Variants in MRO observed in about 807,000 individuals in gnomAD.
MRO encodes maestro, also known as protein maestro.
MRO carries 28 observed loss-of-function variants against 31.0 expected under a neutral mutation model. That is an observed-to-expected ratio of 0.90 (90% CI 0.67 to 1.24). The LOEUF is 1.24. Ranked by LOEUF, MRO falls within the 50% of genes most tolerant of loss-of-function variation. The probability of loss-of-function intolerance (pLI) is 0.00; values close to 1 mark genes in which losing one functional copy is unlikely to be tolerated. For missense variants in MRO, 332 were observed against 289.2 expected (o/e 1.15, Z -1.07); for synonymous variants, 108 against 108.4 (o/e 1.00, Z 0.02).
intron 3 of MRO, among the ~76,000 whole-genome samples, chr18:50,808,659 G>A (rs981957601): frequency 3.7e-4 from 56 of 151,268 alleles, no homozygotes; most frequent in Admixed American, 8.5e-4. Context: ...GTTTTGCCAC[G>A]TTGCCGGCTG....
Position 50,819,585 on chromosome 18 carries a change from G to A in MRO, c.-9C>T, listed in dbSNP as rs1915206339. ...CCGGCCAACAGTGTCCCTTACCTGC[G>A]GCTCCTGCAGGCGGCTGCCACGTGA... On this transcript the variant is annotated 5_prime_UTR_variant, in exon 2 of 8. Coordinates refer to ENST00000398439, the MANE Select transcript of MRO (RefSeq NM_031939.6). 3.9e-6 allele frequency: 6 copies of A among 1,551,612 alleles called. No individual in the cohort carries two copies. The highest frequency in any genetic ancestry group is 1.7e-4 in the Middle Eastern group (1 of 5,992).
At chr18:50,820,116 A>C (rs3813091), upstream of MRO, 12 of 686,954 alleles carry the variant, frequency 1.7e-5, no homozygotes, top group Non-Finnish European at 2.0e-5. Context: ...GTTCCAGGCG[A>C]CCCCTGCACA....
At chr18:50,799,996 G>T in intron 7 of MRO, 40 bp downstream of exon 7, 1 of 1,445,664 alleles carries the variant, frequency 6.9e-7, no homozygotes, top group Non-Finnish European at 9.7e-7. Flanking sequence ...CAGGAGGGCA[G>T]GGACCGGAAA....
rs186329885 is a variant in MRO at position 50,799,984 on chromosome 18, A to C, written c.693+52T>G. Reference sequence around the variant, plus strand: ...TGCTTGGCCACCTTCCGTGTTAACCACCAGGAGGGCAGGGACCGGAAAAGA... The same window carrying C: ...TGCTTGGCCACCTTCCGTGTTAACCCCCAGGAGGGCAGGGACCGGAAAAGA... On this transcript the variant is annotated intron_variant, in intron 7 of 7. Transcript: ENST00000398439. 8,764 of 1,322,962 alleles carry C rather than the reference A, an allele frequency of 6.6e-3. 43 individuals carry two copies. Among genetic ancestry groups the C allele is most frequent in the Middle Eastern group, 8.2e-3 (44 of 5,342 alleles). 82.0% of individuals were successfully genotyped at this position (1,322,962 alleles called of 1,614,324 possible).
upstream of MRO, chr18:50,820,072 C>T: frequency 2.0e-6 from 2 of 1,025,448 alleles, no homozygotes; most frequent in South Asian, 1.4e-5. Context: ...GTTCCCCATG[C>T]GGCCGCGAGA....
At position 50,795,455 on chromosome 18, in the gene MRO, C is replaced by T. The variant is rs576521025; in HGVS notation, c.*3882G>A. 7.2e-5 allele frequency: 11 copies of T among 152,340 alleles called. No individual in the cohort carries two copies. The highest frequency in any genetic ancestry group is 2.4e-4 in the African/African-American group (10 of 41,584). The allele number at this position is 152,340 out of a possible 1,614,324, so 9.4% of individuals were successfully genotyped here. A position where few individuals can be genotyped will look rare whatever the true frequency, so the allele number is the denominator to read the frequency against. On this transcript the variant is annotated 3_prime_UTR_variant, in exon 8 of 8. Transcript: ENST00000398439. ...GCTACCCTACACAGCTGTTGTTTCT[C>T]GCTTTCAAAACATTCTAGTGCTTTT...
Position 50,819,889 on chromosome 18 carries a change from C to A in MRO, c.-127+8G>T, listed in dbSNP as rs1568139205. Reference sequence around the variant, plus strand: ...ATATTGTAGGGTGGCACAAGCATGACTTGCTACCTTTGCTTCCCCACGCCA... The same window carrying A: ...ATATTGTAGGGTGGCACAAGCATGAATTGCTACCTTTGCTTCCCCACGCCA... On this transcript the variant is annotated splice_region_variant and intron_variant, in intron 1 of 7. Transcript: ENST00000398439. 1 of 1,551,416 alleles carries A rather than the reference C, an allele frequency of 6.4e-7. No homozygotes were observed. The highest frequency in any genetic ancestry group is 8.7e-7 in the Non-Finnish European group (1 of 1,146,712).
chr18:50,801,503 T>C lies in MRO; in HGVS notation c.431A>G (p.Glu144Gly). 1 of 1,583,998 alleles carries C rather than the reference T, an allele frequency of 6.3e-7. No homozygotes were observed. The highest frequency in any genetic ancestry group is 8.6e-7 in the Non-Finnish European group (1 of 1,166,280). The part of the protein sequence containing the change: ...TLQTRTLLDD[E>G]NDSLRYSAFV... ...GGCCGAGTATCTCAGACTGTCGTTCTCCTGCGGTCCCCATCAACAAAACAA... is the reference window on the plus strand; with the variant it reads ...GGCCGAGTATCTCAGACTGTCGTTCCCCTGCGGTCCCCATCAACAAAACAA... The change falls in exon 6 of 8, where the codon GAG (glutamate) becomes GGG (glycine). Residue 144 changes from glutamate (E) to glycine (G), a missense_variant and splice_region_variant. By Grantham distance (98) the Glu-to-Gly change is moderately conservative (BLOSUM62 -2). Transcript: ENST00000398439.
rs111297630 is a variant in MRO, at chr18:50,800,595, A to T, written c.586-452T>A. 1.1e-3 allele frequency among the ~76,000 whole-genome samples: 168 copies of T among 152,336 alleles called. 1 individual carries two copies. The highest frequency in any genetic ancestry group is 3.8e-3 in the African/African-American group (159 of 41,578). Reference sequence around the variant, plus strand: ...AACTACCAGAAGAAATTAATAAGTCATGGGTGGAGCCCAGCAAGATGGCTC... The same window carrying T: ...AACTACCAGAAGAAATTAATAAGTCTTGGGTGGAGCCCAGCAAGATGGCTC... On this transcript the variant is annotated intron_variant, in intron 6 of 7. Transcript: ENST00000398439.
In MRO at chr18:50,796,203, G is replaced by C. The variant is rs1246085671; in HGVS notation, c.*3134C>G. Reference sequence around the variant, plus strand: ...CAAGCATAAAAGTAACCTGTACATTGGTTATAAGGAATGAAATTGGTGACC... The same window carrying C: ...CAAGCATAAAAGTAACCTGTACATTCGTTATAAGGAATGAAATTGGTGACC... On this transcript the variant is annotated 3_prime_UTR_variant, in exon 8 of 8. Transcript: ENST00000398439. The C allele has an allele frequency of 6.6e-6, 1 of 152,098 alleles. No individual in the cohort carries two copies. The highest frequency in any genetic ancestry group is 2.4e-5 in the African/African-American group (1 of 41,408). 9.4% of individuals were successfully genotyped at this position (152,098 alleles called of 1,614,324 possible). A position where few individuals can be genotyped will look rare whatever the true frequency, so the allele number is the denominator to read the frequency against.
intron 2 of MRO, chr18:50,814,600 G>A (rs1163326036): frequency 4.7e-6 from 1 of 213,252 alleles, no homozygotes; most frequent in African/African-American, 2.3e-5. Context: ...ACCACATAAG[G>A]TTGATGGGCA....
At chr18:50,808,066 A>C (rs1231287267) in intron 3 of MRO, among the ~76,000 whole-genome samples, 1 of 152,174 alleles carries the variant, frequency 6.6e-6, no homozygotes, top group South Asian at 2.1e-4. Flanking sequence ...CAGCCTGGGC[A>C]ACAGAGCGAG....
At position 50,799,383 on chromosome 18, in the gene MRO, T is replaced by C. The variant is rs758889223; in HGVS notation, c.701A>G (p.Tyr234Cys). ...GAAGAACTGCAGGATCTCTGGATGA[T>C]AGTGGCTCTGAAAGAAATTAGCAAA... ...NTKLYQQLSHYHPEILQFFYA... is the reference protein window; with the variant it reads ...NTKLYQQLSHCHPEILQFFYA... The change falls in exon 8 of 8, where the codon TAT (tyrosine) becomes TGT (cysteine). Residue 234 changes from tyrosine (Y) to cysteine (C), a missense_variant. Physicochemically the swap from Tyr to Cys is radical, Grantham distance 194 (BLOSUM62 -2). Transcript: ENST00000398439. 82 of 1,613,892 alleles carry C rather than the reference T, an allele frequency of 5.1e-5. No individual in the cohort carries two copies. Among genetic ancestry groups the C allele is most frequent in the Middle Eastern group, 1.6e-4 (1 of 6,080 alleles).
intron 3 of MRO, among the ~76,000 whole-genome samples, chr18:50,807,905 C>G (rs1274723555): frequency 3.9e-5 from 6 of 152,158 alleles, no homozygotes. Flanking sequence ...TGGCGAAACC[C>G]TGAAACCCCG....
rs1248628877 is a variant in MRO, at chr18:50,796,608, T to A, written c.*2729A>T. 4 of 152,288 alleles carry A rather than the reference T, an allele frequency of 2.6e-5. No individual in the cohort carries two copies. The East Asian group carries it at 7.7e-4, about 29-fold the overall frequency. 9.4% of individuals were successfully genotyped at this position (152,288 alleles called of 1,614,324 possible). ...GTGCATGTGATTCCAGGTGGGTGTG[T>A]ACAGGTGAGCAGGGAGGGGACTCAA... On this transcript the variant is annotated 3_prime_UTR_variant, in exon 8 of 8. Coordinates refer to ENST00000398439, the MANE Select transcript of MRO (RefSeq NM_031939.6).
At chr18:50,800,221 G>T in intron 6 of MRO, 78 bp from the exon 7 acceptor site, 1 of 1,023,528 alleles carries the variant, frequency 9.8e-7, no homozygotes, top group Non-Finnish European at 1.4e-6. Flanking sequence ...CTAGAGGATT[G>T]CACCCAATCT....
upstream of MRO, among the ~76,000 whole-genome samples, chr18:50,823,379 C>T (rs1333679394): frequency 6.6e-6 from 1 of 152,214 alleles, no homozygotes; most frequent in Non-Finnish European, 1.5e-5. Context: ...CAGGAGCGCC[C>T]CGTGGCCTAG....
intron 5 of MRO, among the ~76,000 whole-genome samples, chr18:50,802,455 G>A (rs2849257): frequency 0.72 from 110,131 of 152,000 alleles, 40,303 homozygotes; most frequent in South Asian, 0.82. Flanking sequence ...TCACACTGTC[G>A]GGTAACAGAG....
chr18:50,815,398 G>A, intron 2 of MRO: 1 of 245,718 alleles, frequency 4.1e-6, no homozygotes, highest in Non-Finnish European at 8.3e-6. Flanking sequence ...CAGTTATGCA[G>A]GAGATGACAG....
Sources: allele counts gnomAD v4.1 joint callset (sites outside exome capture counted in the v4.1 genomes callset), GRCh38; gene constraint gnomAD v4.1.1; transcripts MANE v1.5; gene names NCBI Gene and HGNC (gene_info 2026-07-23, HGNC 2026-07-21).